Variants in CUBN observed in about 807,000 individuals in gnomAD.
The protein encoded by CUBN is cubilin.
A neutral mutation model predicts 405.3 loss-of-function variants in CUBN; 282 were observed. That is an observed-to-expected ratio of 0.70 (90% CI 0.63 to 0.77). The LOEUF is 0.77. Ranked by LOEUF, CUBN falls within the 30% of genes least tolerant of loss-of-function variation. CUBN has a pLI of 0.00. For synonymous variants in CUBN, 1,684 were observed against 1,617.0 expected (o/e 1.04, Z -0.99); for missense variants, 4,514 against 4,475.2 (o/e 1.01, Z -0.25).
At chr10:17,088,894 G>A (rs888182632) in intron 14 of CUBN, among the ~76,000 whole-genome samples, 29 of 152,220 alleles carry the variant, frequency 1.9e-4, no homozygotes, top group Admixed American at 1.2e-3. Flanking sequence ...AGCAAGTGAG[G>A]GACTGAGCCA....
chr10:17,051,509 C>G (rs980071071), intron 22 of CUBN, among the ~76,000 whole-genome samples: 4 of 151,908 alleles, frequency 2.6e-5, no homozygotes, highest in Non-Finnish European at 5.9e-5. Context: ...AAGAGAAAGA[C>G]TTTAAAGCAG....
rs552680478 is a variant in CUBN at position 16,916,883 on chromosome 10, C to T, written c.7001-853G>A. ...AGCCTAGAGTGCAGTGGCGCAATCT[C>T]GGCTCACTGCAACCTCCGCCTCCTG... On this transcript the variant is annotated intron_variant, in intron 45 of 66. Transcript: ENST00000377833. Among the ~76,000 whole-genome samples, 9 of 149,684 alleles carry T rather than the reference C, an allele frequency of 6.0e-5. No homozygotes were observed. The South Asian group carries it at 1.5e-3, about 25-fold the overall frequency.
At chr10:16,951,302 A>G (rs1000433054) in intron 33 of CUBN, among the ~76,000 whole-genome samples, 1 of 152,346 alleles carries the variant, frequency 6.6e-6, no homozygotes, top group East Asian at 1.9e-4. Flanking sequence ...ATGCATGTCA[A>G]TGAAGATACT....
At chr10:16,862,167 C>CACACAT (rs1422167662) in intron 59 of CUBN, among the ~76,000 whole-genome samples, 1 of 149,998 alleles carries the variant, frequency 6.7e-6, no homozygotes, top group African/African-American at 2.5e-5. Context: ...CTCTCACACA[C>CACACAT]ACACACACAC....
intron 43 of CUBN, 86 bp from the exon 44 acceptor site, chr10:16,920,223 C>A: frequency 7.5e-7 from 1 of 1,336,930 alleles, no homozygotes; most frequent in Non-Finnish European, 1.1e-6. Context: ...AAGTCGACTT[C>A]TCTGTATTTT....
chr10:17,030,455 T>G (rs1397043417), intron 27 of CUBN, among the ~76,000 whole-genome samples: 1 of 152,220 alleles, frequency 6.6e-6, no homozygotes, highest in Non-Finnish European at 1.5e-5. Context: ...TGGTCATTAT[T>G]CTAATTTAAA....
At chr10:16,914,367 T>A (rs1251384562) in intron 47 of CUBN, among the ~76,000 whole-genome samples, 1 of 152,092 alleles carries the variant, frequency 6.6e-6, no homozygotes, top group African/African-American at 2.4e-5. Flanking sequence ...AAGACCAGCC[T>A]GACCAACATG....
intron 59 of CUBN, among the ~76,000 whole-genome samples, chr10:16,855,690 A>G (rs11254249): frequency 0.042 from 6,371 of 152,336 alleles, 199 homozygotes; most frequent in Non-Finnish European, 0.066. Flanking sequence ...AGACTAATAC[A>G]CACAACTAAT....
At chr10:17,068,884 A>G (rs936606594) in intron 19 of CUBN, 114 bp from the exon 20 acceptor site, 2 of 903,122 alleles carry the variant, frequency 2.2e-6, no homozygotes, top group Non-Finnish European at 3.5e-6. Flanking sequence ...TGAGAATACA[A>G]TCAATTTTAG....
chr10:16,864,067 A>G (rs1359094103), intron 59 of CUBN, among the ~76,000 whole-genome samples: 4 of 152,214 alleles, frequency 2.6e-5, no homozygotes, highest in Non-Finnish European at 4.4e-5. Flanking sequence ...ATAAAATCTA[A>G]TGTGTTCTAT....
chr10:16,838,512 C>T (rs528750757), intron 62 of CUBN, among the ~76,000 whole-genome samples: 1 of 152,328 alleles, frequency 6.6e-6, no homozygotes, highest in South Asian at 2.1e-4. Flanking sequence ...TTTTCAATTA[C>T]CTATCATGAT....
rs1838708386 is a variant in CUBN, at chr10:16,824,303, A to C, written c.*672T>G. The C allele has an allele frequency of 6.6e-6, 1 of 151,960 alleles. No individual in the cohort carries two copies. Among genetic ancestry groups the C allele is most frequent in the South Asian group, 2.1e-4 (1 of 4,828 alleles). 9.4% of individuals were successfully genotyped at this position (151,960 alleles called of 1,614,324 possible). A position where few individuals can be genotyped will look rare whatever the true frequency, so the allele number is the denominator to read the frequency against. On this transcript the variant is annotated 3_prime_UTR_variant, in exon 67 of 67. Transcript: ENST00000377833. ...CCTAGGTTCAAGCAATCCTCCCATC[A>C]TGGCCTCCCAGCGTGCTGGGATTAT...
rs199743759 is a variant in CUBN, at chr10:16,990,434, C to A, written c.4250G>T (p.Cys1417Phe). 6.2e-6 allele frequency: 10 copies of A among 1,614,154 alleles called. No individual in the cohort carries two copies. In the African/African-American group the frequency reaches 1.2e-4, roughly 19 times the overall value. The change falls in exon 29 of 67, where the codon TGT (cysteine) becomes TTT (phenylalanine). Residue 1417 changes from cysteine to phenylalanine, a missense_variant. Physicochemically the swap from Cys to Phe is radical, Grantham distance 205. Coordinates refer to ENST00000377833, the MANE Select transcript of CUBN (RefSeq NM_001081.4). ...FPNRYPPNKECIWYIRTDPGS... is the reference protein window; with the variant it reads ...FPNRYPPNKEFIWYIRTDPGS... Reference sequence around the variant, plus strand: ...GGGGTCCGTCCTAATGTACCAGATACACTCCTTGTTTGGTGGATACCTGTT... The same window carrying A: ...GGGGTCCGTCCTAATGTACCAGATAAACTCCTTGTTTGGTGGATACCTGTT...
chr10:16,827,995 A>G (rs1431996246), intron 66 of CUBN, among the ~76,000 whole-genome samples: 1 of 152,264 alleles, frequency 6.6e-6, no homozygotes, highest in African/African-American at 2.4e-5. Flanking sequence ...GGAAGATATC[A>G]GAGCTTTACA....
At chr10:17,109,560 G>C in intron 10 of CUBN, 80 bp downstream of exon 10, 1 of 1,149,702 alleles carries the variant, frequency 8.7e-7, no homozygotes, top group South Asian at 1.3e-5. Flanking sequence ...GAGAACAGAG[G>C]ATTTTGTGTT....
At chr10:16,876,871 C>G in intron 57 of CUBN, 26 bp downstream of exon 57, 1 of 1,600,216 alleles carries the variant, frequency 6.2e-7, no homozygotes, top group Non-Finnish European at 8.6e-7. Flanking sequence ...AAGAAAATTC[C>G]AAACTCTGTC....
At chr10:16,841,653 G>A (rs1839352724) in intron 60 of CUBN, among the ~76,000 whole-genome samples, 1 of 152,110 alleles carries the variant, frequency 6.6e-6, no homozygotes. Context: ...GTGTGTTGCT[G>A]CTTCTTGGGT....
chr10:16,973,847 T>G (rs983526859), intron 31 of CUBN, among the ~76,000 whole-genome samples: 1 of 152,194 alleles, frequency 6.6e-6, no homozygotes, highest in African/African-American at 2.4e-5. Flanking sequence ...CTGTGTCACA[T>G]TCCCTGGTGT....
At chr10:16,971,669 T>C (rs1246673585) in intron 31 of CUBN, among the ~76,000 whole-genome samples, 1 of 152,092 alleles carries the variant, frequency 6.6e-6, no homozygotes, top group Non-Finnish European at 1.5e-5. Flanking sequence ...TTCTAAAAAG[T>C]ACAACATTCA....
Sources: allele counts gnomAD v4.1 joint callset (sites outside exome capture counted in the v4.1 genomes callset), GRCh38; gene constraint gnomAD v4.1.1; transcripts MANE v1.5; gene names NCBI Gene and HGNC (gene_info 2026-07-23, HGNC 2026-07-21).